The following ESRRG variants were observed in gnomAD, a reference collection of about 807,000 sequenced individuals.
The protein encoded by ESRRG is estrogen-related receptor gamma.
A neutral mutation model predicts 44.0 loss-of-function variants in ESRRG; 13 were observed. The observed-to-expected ratio is 0.30, with a 90% confidence interval of 0.19 to 0.47. ESRRG has a LOEUF of 0.47. Among genes scored for constraint, ESRRG ranks in the 20% least tolerant of loss-of-function variants. The pLI is 1.00. For synonymous variants in ESRRG, 215 were observed against 214.6 expected (o/e 1.00, Z -0.02); for missense variants, 395 against 580.6 (o/e 0.68, Z 3.29).
chr1:216,877,551 G>A (rs1168390603), intron 2 of ESRRG, among the ~76,000 whole-genome samples: 4 of 151,622 alleles, frequency 2.6e-5, no homozygotes, highest in Non-Finnish European at 5.9e-5. Flanking sequence ...CTACAGGCAC[G>A]CACCACCATA....
chr1:216,915,928 A>C (rs895664007), intron 2 of ESRRG, among the ~76,000 whole-genome samples: 15 of 152,192 alleles, frequency 9.9e-5, no homozygotes, highest in African/African-American at 3.4e-4. Context: ...TCCAAACTCT[A>C]GGAGATCTTG....
At chr1:216,848,449 G>A (rs2148952720) in intron 2 of ESRRG, among the ~76,000 whole-genome samples, 1 of 151,082 alleles carries the variant, frequency 6.6e-6, no homozygotes, top group South Asian at 2.1e-4. Context: ...GATTTACACA[G>A]AGATAATTAA....
chr1:217,033,083 A>G (rs1216357850), intron 1 of ESRRG, among the ~76,000 whole-genome samples: 3 of 152,170 alleles, frequency 2.0e-5, no homozygotes, highest in Non-Finnish European at 4.4e-5. Flanking sequence ...CACCCCTGAA[A>G]CCTCATTAGC....
At chr1:216,917,358 G>A (rs2061328733) in intron 2 of ESRRG, among the ~76,000 whole-genome samples, 1 of 152,074 alleles carries the variant, frequency 6.6e-6, no homozygotes, top group African/African-American at 2.4e-5. Flanking sequence ...ATGGTTCACT[G>A]TGAGCAACCA....
intron 1 of ESRRG, among the ~76,000 whole-genome samples, chr1:216,971,152 A>C (rs1307300600): frequency 6.6e-6 from 1 of 152,196 alleles, no homozygotes; most frequent in Non-Finnish European, 1.5e-5. Context: ...ACTGCAGAAA[A>C]TACTGTTTGA....
intron 1 of ESRRG, among the ~76,000 whole-genome samples, chr1:217,133,462 C>G (rs552682770): frequency 1.3e-5 from 2 of 152,244 alleles, no homozygotes; most frequent in Non-Finnish European, 2.9e-5. Context: ...TTGAGCGACG[C>G]GTGTCATAGA....
intron 1 of ESRRG, among the ~76,000 whole-genome samples, chr1:217,132,024 T>C (rs2092973519): frequency 6.6e-6 from 1 of 152,176 alleles, no homozygotes; most frequent in Non-Finnish European, 1.5e-5. Flanking sequence ...GAAGACCCCA[T>C]TGCTGGAGCT....
chr1:216,641,881 C>T (rs900417448), intron 3 of ESRRG, among the ~76,000 whole-genome samples: 3 of 152,202 alleles, frequency 2.0e-5, no homozygotes, highest in Non-Finnish European at 4.4e-5. Context: ...TACAACATCT[C>T]TCACAGTGCT....
intron 2 of ESRRG, among the ~76,000 whole-genome samples, chr1:216,834,710 A>G (rs2095537055): frequency 6.6e-6 from 1 of 152,244 alleles, no homozygotes; most frequent in African/African-American, 2.4e-5. Context: ...ATGCATAGAT[A>G]TGAGCTTTGA....
intron 5 of ESRRG, among the ~76,000 whole-genome samples, chr1:216,557,489 T>G (rs2057826416): frequency 1.3e-5 from 2 of 152,158 alleles, no homozygotes; most frequent in African/African-American, 4.8e-5. Flanking sequence ...TAAGTATCAT[T>G]GTCAACGGTG....
chr1:217,062,310 G>A (rs751139292), intron 1 of ESRRG, among the ~76,000 whole-genome samples: 8 of 152,154 alleles, frequency 5.3e-5, no homozygotes, highest in Admixed American at 6.6e-5. Context: ...TACCGTGTGA[G>A]AGACTTTATA....
chr1:217,124,646 A>G (rs916434087), intron 1 of ESRRG, among the ~76,000 whole-genome samples: 1 of 152,192 alleles, frequency 6.6e-6, no homozygotes, highest in Non-Finnish European at 1.5e-5. Flanking sequence ...AACACTTGCC[A>G]GGTCACTTTG....
At chr1:216,642,635 C>T (rs183077702) in intron 3 of ESRRG, among the ~76,000 whole-genome samples, 3 of 152,216 alleles carry the variant, frequency 2.0e-5, no homozygotes, top group Admixed American at 6.6e-5. Flanking sequence ...GTGAGGTCAA[C>T]GCAGTTCTAT....
intron 3 of ESRRG, among the ~76,000 whole-genome samples, chr1:216,625,895 C>T (rs529151442): frequency 1.8e-4 from 27 of 152,268 alleles, no homozygotes; most frequent in African/African-American, 6.3e-4. Flanking sequence ...TCCTATATCT[C>T]TCCCTGTCTT....
chr1:216,507,419 T>C lies in ESRRG; in HGVS notation c.1133-236A>G, dbSNP rs11572831. Among the ~76,000 whole-genome samples, 5 of 152,316 alleles carry C rather than the reference T, an allele frequency of 3.3e-5. No homozygotes were observed. In the East Asian group the frequency reaches 7.7e-4, roughly 24 times the overall value. ...ATTAGAAAAGATCTATGATTTAAAA[T>C]GTGTATTTTTCTTTCTCAGGCTGAG... On this transcript the variant is annotated intron_variant, in intron 6 of 6. Coordinates refer to ENST00000408911, the MANE Select transcript of ESRRG (RefSeq NM_001438.4).
intron 2 of ESRRG, among the ~76,000 whole-genome samples, chr1:216,918,194 CTCCTGGGAAAAT>C (rs2061417367): frequency 6.6e-6 from 1 of 152,100 alleles, no homozygotes; most frequent in South Asian, 2.1e-4. Flanking sequence ...ATTTTGTTTA[CTCCTGGGAAAAT>C]TCCTCTTTTC....
chr1:216,791,571 C>T (rs938216204), intron 2 of ESRRG, among the ~76,000 whole-genome samples: 13 of 152,108 alleles, frequency 8.5e-5, no homozygotes, highest in African/African-American at 3.1e-4. Context: ...ATTTCTCAGA[C>T]ACATGCCCTT....
intron 2 of ESRRG, among the ~76,000 whole-genome samples, chr1:216,748,902 TG>T (rs1199549502): frequency 6.6e-6 from 1 of 152,136 alleles, no homozygotes; most frequent in Admixed American, 6.6e-5. Context: ...GGCACAGAGC[TG>T]GGGAGGGGCC....
chr1:216,552,414 T>C (rs746651520), intron 5 of ESRRG, among the ~76,000 whole-genome samples: 13 of 152,192 alleles, frequency 8.5e-5, no homozygotes, highest in Non-Finnish European at 1.8e-4. Flanking sequence ...CTCATGCAGA[T>C]CATTCAACTT....
Sources: allele counts gnomAD v4.1 joint callset (sites outside exome capture counted in the v4.1 genomes callset), GRCh38; gene constraint gnomAD v4.1.1; transcripts MANE v1.5; gene names NCBI Gene and HGNC (gene_info 2026-07-23, HGNC 2026-07-21).